SPATS2: variants seen among roughly 807,000 people sequenced by gnomAD.
SPATS2 encodes the protein spermatogenesis associated serine rich 2, also known as spermatogenesis-associated serine-rich protein 2.
Under a neutral mutation model 63.7 loss-of-function variants are expected in SPATS2, and 38 were observed. The ratio of observed to expected loss-of-function variants is 0.60; its 90% CI spans 0.46 to 0.78. The LOEUF (loss-of-function observed/expected upper bound fraction) is 0.78. Ranked by LOEUF, SPATS2 falls within the 30% of genes least tolerant of loss-of-function variation. SPATS2 has a pLI of 0.00. For missense variants in SPATS2, 588 were observed against 666.2 expected (o/e 0.88, Z 1.29); for synonymous variants, 207 against 232.9 (o/e 0.89, Z 1.01).
chr12:49,386,591 A>G (rs1278591510), intron 2 of SPATS2, among the ~76,000 whole-genome samples: 1 of 152,228 alleles, frequency 6.6e-6, no homozygotes, highest in African/African-American at 2.4e-5. Context: ...ATAGCCAAAC[A>G]AAGCAGGAGA....
rs1243677233 is a variant in SPATS2, at chr12:49,467,056, T to G, written c.25+6019T>G. On this transcript the variant is annotated intron_variant, in intron 3 of 13. Coordinates refer to ENST00000552918, the MANE Select transcript of SPATS2 (RefSeq NM_023071.4). ...TAATTTGTTCTTTGTTTTTTTTTTT[T>G]TTTTTTTTTTTTTTGATGGAGTCTC... Among the ~76,000 whole-genome samples the G allele has an allele frequency of 2.8e-4, 38 of 135,468 alleles. No homozygotes were observed. In the South Asian group the frequency reaches 9.0e-3, roughly 32 times the overall value. 88.9% of individuals were successfully genotyped at this position (135,468 alleles called of 152,430 possible). A position where few individuals can be genotyped will look rare whatever the true frequency, so the allele number is the denominator to read the frequency against.
rs1175684287 is a variant in SPATS2, at chr12:49,516,154, AAAAAAAAAAAAAAT to A, written c.898+1543_898+1556del. On this transcript the variant is annotated intron_variant, in intron 10 of 13. Transcript: ENST00000552918. ...ACTCCATCTCAAAAAAAAAAAAAAA[AAAAAAAAAAAAAAT>A]ATATATATATATATATATATATATA... 1.3e-3 allele frequency among the ~76,000 whole-genome samples: 56 copies of A among 43,508 alleles called. 1 individual carries two copies. The highest frequency in any genetic ancestry group is 4.1e-3 in the African/African-American group (43 of 10,414). The allele number at this position is 43,508 out of a possible 152,430, so 28.5% of individuals were successfully genotyped here. A position where few individuals can be genotyped will look rare whatever the true frequency, so the allele number is the denominator to read the frequency against.
At chr12:49,430,992 C>G (rs1476776178) in intron 2 of SPATS2, among the ~76,000 whole-genome samples, 1 of 152,016 alleles carries the variant, frequency 6.6e-6, no homozygotes, top group Non-Finnish European at 1.5e-5. Flanking sequence ...CAGCTGGGGT[C>G]TTTTTAAAAA....
At chr12:49,469,624 C>T (rs1263036651) in intron 3 of SPATS2, 2 of 409,488 alleles carry the variant, frequency 4.9e-6, no homozygotes, top group African/African-American at 4.3e-5. Flanking sequence ...GGCACAGTGG[C>T]TCACATCTGT....
At chr12:49,475,195 A>G (rs986359312) in intron 3 of SPATS2, among the ~76,000 whole-genome samples, 1 of 152,230 alleles carries the variant, frequency 6.6e-6, no homozygotes, top group African/African-American at 2.4e-5. Flanking sequence ...ATATGATGTT[A>G]AGCAAAAATC....
chr12:49,462,753 A>G, intron 3 of SPATS2: 1 of 417,480 alleles, frequency 2.4e-6, no homozygotes, highest in Non-Finnish European at 4.4e-6. Context: ...GTCTCCAGCT[A>G]GTTTTTTCTC....
chr12:49,484,122 CAT>C (rs969678476), intron 3 of SPATS2, among the ~76,000 whole-genome samples: 48 of 152,182 alleles, frequency 3.2e-4, no homozygotes, highest in African/African-American at 1.1e-3. Flanking sequence ...GGGACACACA[CAT>C]GAATGTATTC....
intron 4 of SPATS2, among the ~76,000 whole-genome samples, chr12:49,486,778 CAAA>C (rs555485566): frequency 3.1e-5 from 3 of 96,768 alleles, no homozygotes; most frequent in Non-Finnish European, 4.2e-5. Context: ...GAGACTCCGT[CAAA>C]AAAAAAAAAA....
At chr12:49,388,721 G>T (rs1243799753) in intron 2 of SPATS2, among the ~76,000 whole-genome samples, 2 of 149,202 alleles carry the variant, frequency 1.3e-5, no homozygotes, top group South Asian at 2.1e-4. Flanking sequence ...AAGAGACAAG[G>T]TCACACTCTC....
At chr12:49,398,557 T>C (rs904816101) in intron 2 of SPATS2, among the ~76,000 whole-genome samples, 2 of 152,172 alleles carry the variant, frequency 1.3e-5, no homozygotes, top group African/African-American at 4.8e-5. Context: ...GTTTCTTGTT[T>C]GGGAGACCAA....
intron 3 of SPATS2, among the ~76,000 whole-genome samples, chr12:49,467,088 A>G (rs1447888794): frequency 1.7e-5 from 2 of 119,094 alleles, no homozygotes; most frequent in Non-Finnish European, 3.2e-5. Flanking sequence ...TCTCACTGTC[A>G]TCCAGGCTGG....
At chr12:49,397,426 C>G (rs926095040) in intron 2 of SPATS2, among the ~76,000 whole-genome samples, 15 of 152,104 alleles carry the variant, frequency 9.9e-5, no homozygotes, top group African/African-American at 3.6e-4. Flanking sequence ...TGAGCGGTTT[C>G]CTCCATTAGA....
chr12:49,450,335 C>T (rs1014365719), intron 2 of SPATS2, among the ~76,000 whole-genome samples: 3 of 151,430 alleles, frequency 2.0e-5, no homozygotes, highest in Admixed American at 1.3e-4. Flanking sequence ...CTGCAAGCTC[C>T]ACCTCCTGGG....
intron 6 of SPATS2, 32 bp from the exon 7 acceptor site, chr12:49,494,705 CTTTT>C (rs1366883025): frequency 6.8e-7 from 1 of 1,471,910 alleles, no homozygotes. Flanking sequence ...TCTTTTCTTT[CTTTT>C]CTTTTCTTTT....
intron 2 of SPATS2, among the ~76,000 whole-genome samples, chr12:49,411,372 A>T (rs543865976): frequency 2.0e-5 from 3 of 152,232 alleles, no homozygotes; most frequent in South Asian, 4.2e-4. Context: ...GCTTATCTTG[A>T]TGAATATGCA....
intron 2 of SPATS2, among the ~76,000 whole-genome samples, chr12:49,434,195 T>C (rs774760908): frequency 1.2e-4 from 18 of 152,232 alleles, no homozygotes; most frequent in Non-Finnish European, 2.4e-4. Context: ...TGTAATATGT[T>C]TTGAAATCAA....
chr12:49,385,862 TG>T (rs200975701), intron 2 of SPATS2, among the ~76,000 whole-genome samples: 13,449 of 120,462 alleles, frequency 0.11, 749 homozygotes, highest in African/African-American at 0.23. Flanking sequence ...TTTGTTTGTT[TG>T]TTTGTTTTTT....
At chr12:49,419,449 G>T (rs1944942894) in intron 2 of SPATS2, among the ~76,000 whole-genome samples, 1 of 152,218 alleles carries the variant, frequency 6.6e-6, no homozygotes, top group African/African-American at 2.4e-5. Context: ...TCTTTCCAGA[G>T]ACTGCCAGTG....
intron 2 of SPATS2, among the ~76,000 whole-genome samples, chr12:49,438,162 G>C (rs1166304774): frequency 6.6e-6 from 1 of 151,874 alleles, no homozygotes; most frequent in Non-Finnish European, 1.5e-5. Flanking sequence ...TTCTATCACT[G>C]ATATTATTTT....
Sources: allele counts gnomAD v4.1 joint callset (sites outside exome capture counted in the v4.1 genomes callset), GRCh38; gene constraint gnomAD v4.1.1; transcripts MANE v1.5; gene names NCBI Gene and HGNC (gene_info 2026-07-23, HGNC 2026-07-21).